The following LIPI variants were observed in gnomAD, a reference collection of about 807,000 sequenced individuals.
LIPI encodes lipase member I.
In LIPI, 59 loss-of-function variants were observed where a neutral mutation model predicts 50.6. That is an observed-to-expected ratio of 1.16 (90% CI 0.94 to 1.45). LIPI has a LOEUF of 1.45. LIPI is among the 40% of genes most tolerant of loss of function. The probability of loss-of-function intolerance (pLI) is 0.00; values close to 1 mark genes in which losing one functional copy is unlikely to be tolerated. For missense variants in LIPI, 586 were observed against 536.3 expected (o/e 1.09, Z -0.92); for synonymous variants, 203 against 178.2 (o/e 1.14, Z -1.11).
chr21:14,210,505 C>A (rs1037062992), intron 1 of LIPI, among the ~76,000 whole-genome samples: 8 of 149,794 alleles, frequency 5.3e-5, no homozygotes, highest in African/African-American at 2.0e-4. Context: ...ATTTTTTTCT[C>A]TTGAGTATTT....
chr21:14,193,286 A>G (rs1398888877), intron 1 of LIPI, among the ~76,000 whole-genome samples: 3 of 152,124 alleles, frequency 2.0e-5, no homozygotes, highest in African/African-American at 7.2e-5. Flanking sequence ...GCTGCTACCA[A>G]AAAAATCAAT....
chr21:14,174,202 C>T (rs1421463554), intron 4 of LIPI, among the ~76,000 whole-genome samples: 1 of 152,118 alleles, frequency 6.6e-6, no homozygotes, highest in Non-Finnish European at 1.5e-5. Flanking sequence ...TGAAGCAGCC[C>T]TTGATTCAGG....
At chr21:14,152,534 T>C (rs2018132302) in intron 8 of LIPI, 39 bp downstream of exon 8, 1 of 985,804 alleles carries the variant, frequency 1.0e-6, no homozygotes, top group Non-Finnish European at 1.6e-6. Context: ...AAAGCAAACA[T>C]TGAATATATG....
chr21:14,207,231 T>G (rs1600944326), intron 1 of LIPI, among the ~76,000 whole-genome samples: 1 of 152,176 alleles, frequency 6.6e-6, no homozygotes, highest in African/African-American at 2.4e-5. Flanking sequence ...AGAAATAAGT[T>G]CTAGTGTTCT....
chr21:14,143,202 T>C (rs780892601), intron 9 of LIPI, among the ~76,000 whole-genome samples: 2 of 152,108 alleles, frequency 1.3e-5, no homozygotes, highest in Non-Finnish European at 1.5e-5. Flanking sequence ...TAGTTGAAGA[T>C]TGAAAATCTT....
At chr21:14,157,875 T>C (rs1389043247) in intron 7 of LIPI, among the ~76,000 whole-genome samples, 1 of 151,850 alleles carries the variant, frequency 6.6e-6, no homozygotes, top group Non-Finnish European at 1.5e-5. Flanking sequence ...ACAAGAATGC[T>C]ATAACTGGTA....
chr21:14,121,913 A>G (rs1049810331), intron 9 of LIPI, among the ~76,000 whole-genome samples: 1 of 152,192 alleles, frequency 6.6e-6, no homozygotes, highest in African/African-American at 2.4e-5. Context: ...AGGAAACGTC[A>G]AGCCCTGCTC....
chr21:14,150,666 C>T (rs1183673080), intron 8 of LIPI, among the ~76,000 whole-genome samples: 1 of 151,948 alleles, frequency 6.6e-6, no homozygotes, highest in African/African-American at 2.4e-5. Context: ...TATGTATATA[C>T]ATACATAAAT....
chr21:14,153,627 G>T (rs559400709), intron 7 of LIPI, among the ~76,000 whole-genome samples: 2 of 152,208 alleles, frequency 1.3e-5, no homozygotes, highest in South Asian at 2.1e-4. Flanking sequence ...TAAAGCCAAG[G>T]CCAGAAGAAC....
chr21:14,190,784 T>C (rs2019642558), intron 1 of LIPI, among the ~76,000 whole-genome samples: 1 of 152,088 alleles, frequency 6.6e-6, no homozygotes, highest in Non-Finnish European at 1.5e-5. Context: ...ACCGTGCAAA[T>C]TGTGTGGGAA....
chr21:14,185,937 A>G (rs1443552114), intron 3 of LIPI, 24 bp downstream of exon 3: 10 of 1,299,308 alleles, frequency 7.7e-6, no homozygotes, highest in African/African-American at 1.4e-5. Flanking sequence ...TGCTAAAGCA[A>G]TAATTTTATA....
At chr21:14,164,043 G>T (rs954670233) in intron 6 of LIPI, among the ~76,000 whole-genome samples, 18 of 149,960 alleles carry the variant, frequency 1.2e-4, no homozygotes, top group African/African-American at 4.4e-4. Context: ...ACATATTTCA[G>T]ATACATATGT....
chr21:14,177,890 G>A (rs993598114), intron 4 of LIPI, among the ~76,000 whole-genome samples: 1 of 151,856 alleles, frequency 6.6e-6, no homozygotes, highest in Non-Finnish European at 1.5e-5. Context: ...GCTCATGAAT[G>A]TCTGAAGGGT....
intron 8 of LIPI, 143 bp from the exon 9 acceptor site, chr21:14,144,942 T>C: frequency 1.8e-6 from 1 of 549,344 alleles, no homozygotes; most frequent in South Asian, 2.8e-5. Context: ...GCAGTATTTA[T>C]TAAAATAATT....
rs142400412 is a variant in LIPI at position 14,184,962 on chromosome 21, T to A, written c.541+999A>T. The stretch of plus-strand genomic sequence containing the variant: ...TGTTATTCACCTCTTTCCCCCTTTT[T>A]TGAAACTTAACTAAGGACACTATTT... On this transcript the variant is annotated intron_variant, in intron 3 of 9. Coordinates refer to ENST00000681601, the MANE Select transcript of LIPI (RefSeq NM_001302998.2). 2.6e-5 allele frequency among the ~76,000 whole-genome samples: 4 copies of A among 152,336 alleles called. 1 individual carries two copies. The East Asian group carries it at 7.7e-4, about 29-fold the overall frequency.
Position 14,165,384 on chromosome 21 carries a change from T to C in LIPI, c.740A>G (p.Gln247Arg). 1.2e-6 allele frequency: 2 copies of C among 1,610,138 alleles called. No homozygotes were observed. The highest frequency in any genetic ancestry group is 1.7e-6 in the Non-Finnish European group (2 of 1,177,058). Residue 247 changes from glutamine (Q) to arginine (R), a missense_variant, in exon 6 of 10, where the codon CAA (glutamine) becomes CGA (arginine). Transcript: ENST00000681601. ...GCPKSIFSGI[Q>R]FIKCNHQRAV... is the part of the protein sequence containing the mutation. ...TCTCTGGTGGTTGCATTTAATGAAT[T>C]GAATTCCTTAAGGGTTAAAAAAAAA...
At chr21:14,200,783 AC>A (rs2020025681) in intron 1 of LIPI, among the ~76,000 whole-genome samples, 1 of 152,112 alleles carries the variant, frequency 6.6e-6, no homozygotes, top group African/African-American at 2.4e-5. Context: ...TTCACATGGA[AC>A]CAAAAAAGGG....
intron 8 of LIPI, among the ~76,000 whole-genome samples, chr21:14,145,711 A>C (rs1442701540): frequency 7.0e-6 from 1 of 143,790 alleles, no homozygotes; most frequent in Admixed American, 7.0e-5. Context: ...AGTGAAGGGA[A>C]AAAAAGTTTT....
chr21:14,119,406 C>T (rs1478921046), intron 9 of LIPI, among the ~76,000 whole-genome samples: 1 of 152,182 alleles, frequency 6.6e-6, no homozygotes, highest in Non-Finnish European at 1.5e-5. Context: ...AGTATCTTGG[C>T]TTTTACATCT....
Sources: gnomAD v4.1 joint callset for allele counts (sites outside exome capture counted in the v4.1 genomes callset) on GRCh38, gnomAD v4.1.1 for gene constraint, MANE v1.5 for transcripts, NCBI Gene and HGNC (gene_info 2026-07-23, HGNC 2026-07-21) for gene names.